Variants in DNAH6 observed in about 807,000 individuals in gnomAD.
DNAH6 encodes the protein axonemal beta dynein heavy chain 6.
DNAH6 carries 340 observed loss-of-function variants against 491.4 expected under a neutral mutation model. That is an observed-to-expected ratio of 0.69 (90% CI 0.63 to 0.76). The LOEUF (loss-of-function observed/expected upper bound fraction) is 0.76. DNAH6 is among the 30% of genes least tolerant of loss of function. DNAH6 has a pLI of 0.00. For missense variants in DNAH6, 4,443 were observed against 4,972.2 expected (o/e 0.89, Z 3.20); for synonymous variants, 1,603 against 1,686.1 (o/e 0.95, Z 1.21).
At chr2:84,481,993 C>G in the DNAH6 span, among the ~76,000 whole-genome samples, 3,248 of 152,266 alleles carry the variant, frequency 0.021, 113 homozygotes, top group African/African-American at 0.074. Context: ...AAGTCACACC[C>G]CGTGATGCTA....
intron 41 of DNAH6, among the ~76,000 whole-genome samples, chr2:84,679,687 T>C (rs1361023407): frequency 1.1e-4 from 17 of 152,332 alleles, no homozygotes. Context: ...TGGTCCTCAG[T>C]AAATTCTATA....
intron 17 of DNAH6, 122 bp downstream of exon 17, chr2:84,594,207 A>G: frequency 1.6e-6 from 1 of 629,118 alleles, no homozygotes; most frequent in Non-Finnish European, 2.8e-6. Context: ...AAAATATGCA[A>G]TGGTATCATT....
Position 84,705,501 on chromosome 2 carries a change from A to G in DNAH6, c.8481A>G (p.Ser2827=). 1 of 1,548,294 alleles carries G rather than the reference A, an allele frequency of 6.5e-7. No homozygotes were observed. Among genetic ancestry groups the G allele is most frequent in the Non-Finnish European group, 8.7e-7 (1 of 1,145,298 alleles). ...ILLNAKPDWP[S]AKQLLGDSNF... The stretch of plus-strand genomic sequence containing the variant: ...TGTCTTTCAGGCCTGATTGGCCATC[A>G]GCAAAGCAACTTCTTGGTGACTCTA... Residue 2827 remains serine, a synonymous_variant, in exon 52 of 77, where the codon TCA becomes TCG. Coordinates refer to ENST00000389394, the MANE Select transcript of DNAH6 (RefSeq NM_001370.2).
At chr2:84,813,243 T>A in intron 74 of DNAH6, 113 bp downstream of exon 74, 1 of 778,206 alleles carries the variant, frequency 1.3e-6, no homozygotes. Context: ...ATGAGGCTAT[T>A]GATCATAGGG....
At chr2:84,718,410 T>C (rs1393113101) in intron 59 of DNAH6, 26 bp downstream of exon 59, 4 of 1,486,066 alleles carry the variant, frequency 2.7e-6, no homozygotes, top group East Asian at 5.1e-5. Context: ...TTAGTACTTA[T>C]GGAAAGTATG....
intron 61 of DNAH6, among the ~76,000 whole-genome samples, chr2:84,731,509 C>T (rs1415647574): frequency 6.6e-6 from 1 of 152,208 alleles, no homozygotes; most frequent in African/African-American, 2.4e-5. Context: ...GCGTACTCAG[C>T]TCCTAGAACT....
chr2:84,693,408 T>A (rs1443109549), intron 45 of DNAH6, among the ~76,000 whole-genome samples: 1 of 152,134 alleles, frequency 6.6e-6, no homozygotes, highest in African/African-American at 2.4e-5. Flanking sequence ...TTCCCTCCTT[T>A]TTGAGTGCTC....
chr2:84,613,130 T>TGA (rs368816073), intron 22 of DNAH6, among the ~76,000 whole-genome samples: 1 of 150,440 alleles, frequency 6.6e-6, no homozygotes, highest in African/African-American at 2.5e-5. Context: ...GGTAAATTGG[T>TGA]GAGAGAGAGA....
chr2:84,812,996 T>G, intron 73 of DNAH6, 62 bp from the exon 74 acceptor site: 1 of 1,420,556 alleles, frequency 7.0e-7, no homozygotes, highest in East Asian at 2.5e-5. Flanking sequence ...AATAGGACTT[T>G]GCTTTAGAAA....
chr2:84,598,978 C>A (rs1342452720), intron 18 of DNAH6, among the ~76,000 whole-genome samples: 1 of 142,144 alleles, frequency 7.0e-6, no homozygotes, highest in African/African-American at 2.7e-5. Flanking sequence ...TTCAGTGAGC[C>A]GAAATTGCGC....
In DNAH6 at chr2:84,781,654, G is replaced by A. The variant is rs2105224480; in HGVS notation, c.10864+1G>A. ...CTCATTAAAACCTTCACAGATCCAG[G>A]TATGTTGAGCATATAGCCCTTGCAT... On this transcript the variant is annotated splice_donor_variant, in intron 65 of 76. Transcript: ENST00000389394. LOFTEE classifies it high-confidence loss of function. 6.4e-7 allele frequency: 1 copy of A among 1,551,072 alleles called. No individual in the cohort carries two copies. The highest frequency in any genetic ancestry group is 1.2e-5 in the South Asian group (1 of 83,972).
At chr2:84,673,014 G>A (rs957549289) in intron 40 of DNAH6, among the ~76,000 whole-genome samples, 1 of 152,098 alleles carries the variant, frequency 6.6e-6, no homozygotes, top group Admixed American at 6.6e-5. Flanking sequence ...GCCTCCCAGA[G>A]AGCTTCAGAG....
chr2:84,807,522 C>CT (rs1160298580), intron 71 of DNAH6, among the ~76,000 whole-genome samples: 7 of 152,202 alleles, frequency 4.6e-5, no homozygotes, highest in African/African-American at 1.7e-4. Context: ...GCGATAAACA[C>CT]TAAGTCTCTC....
intron 61 of DNAH6, among the ~76,000 whole-genome samples, chr2:84,729,990 G>T (rs1367101134): frequency 6.6e-6 from 1 of 152,144 alleles, no homozygotes; most frequent in African/African-American, 2.4e-5. Flanking sequence ...TGACAAGATT[G>T]TGTCATTATG....
intron 37 of DNAH6, among the ~76,000 whole-genome samples, chr2:84,662,756 G>C (rs981319519): frequency 6.6e-6 from 1 of 152,180 alleles, no homozygotes; most frequent in African/African-American, 2.4e-5. Flanking sequence ...AGAGAGTAGT[G>C]GTTCTCCCAG....
chr2:84,548,517 T>C (rs947241920), intron 8 of DNAH6, 100 bp downstream of exon 8: 43 of 1,326,864 alleles, frequency 3.2e-5, no homozygotes, highest in Non-Finnish European at 4.6e-5. Context: ...TTTGCATAAC[T>C]GAAGTAATCA....
In DNAH6 at chr2:84,783,422, T is replaced by C. The variant is rs1361019365; in HGVS notation, c.10865-1300T>C. On this transcript the variant is annotated intron_variant, in intron 65 of 76. Transcript: ENST00000389394. ...TATGGAAAAAATCCTTCTCCAAACC[T>C]GGCCTTCTTCTTTCTTTGGTTTTTT... Among the ~76,000 whole-genome samples, 3 of 152,252 alleles carry C rather than the reference T, an allele frequency of 2.0e-5. No individual in the cohort carries two copies. The East Asian group carries it at 5.8e-4, about 29-fold the overall frequency.
At chr2:84,470,346 G>A in the DNAH6 span, among the ~76,000 whole-genome samples, 2 of 152,190 alleles carry the variant, frequency 1.3e-5, no homozygotes, top group African/African-American at 4.8e-5. Flanking sequence ...GTGAAAGCAA[G>A]TTTATTAAGA....
intron 40 of DNAH6, among the ~76,000 whole-genome samples, chr2:84,676,195 G>A (rs1693220089): frequency 6.6e-6 from 1 of 152,184 alleles, no homozygotes; most frequent in Admixed American, 6.5e-5. Flanking sequence ...AATTCTAGCT[G>A]TCCAACCCAC....
Sources: allele counts gnomAD v4.1 joint callset (sites outside exome capture counted in the v4.1 genomes callset), GRCh38; gene constraint gnomAD v4.1.1; transcripts MANE v1.5; gene names NCBI Gene and HGNC (gene_info 2026-07-23, HGNC 2026-07-21).